Variants in SORCS2 observed in about 807,000 individuals in gnomAD.
The protein encoded by SORCS2 is sortilin related VPS10 domain containing receptor 2.
In SORCS2, 100 loss-of-function variants were observed where a neutral mutation model predicts 141.6. The ratio of observed to expected loss-of-function variants is 0.71; its 90% CI spans 0.60 to 0.83. The LOEUF (loss-of-function observed/expected upper bound fraction) is 0.83, where lower values mean the gene tolerates loss of function less well. Among genes scored for constraint, SORCS2 ranks in the 40% least tolerant of loss-of-function variants. The pLI, the probability that SORCS2 is intolerant of heterozygous loss-of-function variation, is 0.00. For missense variants in SORCS2, 1,646 were observed against 1,560.2 expected (o/e 1.05, Z -0.93); for synonymous variants, 789 against 676.9 (o/e 1.17, Z -2.57).
At chr4:7,341,304 C>T (rs1425467347) in intron 1 of SORCS2, among the ~76,000 whole-genome samples, 1 of 152,102 alleles carries the variant, frequency 6.6e-6, no homozygotes, top group African/African-American at 2.4e-5. Flanking sequence ...TCTTGGGTGC[C>T]CTTCTGCCTT....
At chr4:7,676,358 T>C (rs1723112536) in intron 9 of SORCS2, 129 bp downstream of exon 9, 2 of 971,250 alleles carry the variant, frequency 2.1e-6, no homozygotes, top group Non-Finnish European at 3.0e-6. Context: ...GCACACATCT[T>C]CTGTACACAG....
chr4:7,338,260 G>C (rs766319017), intron 1 of SORCS2, among the ~76,000 whole-genome samples: 4 of 150,932 alleles, frequency 2.7e-5, no homozygotes, highest in Non-Finnish European at 4.4e-5. Flanking sequence ...TGGATGGATG[G>C]ATGCATGGAT....
At chr4:7,616,292 T>C (rs1464597716) in intron 3 of SORCS2, among the ~76,000 whole-genome samples, 1 of 152,074 alleles carries the variant, frequency 6.6e-6, no homozygotes, top group Non-Finnish European at 1.5e-5. Flanking sequence ...CACATATACA[T>C]ACACACACAT....
chr4:7,468,315 A>C (rs944705912), intron 2 of SORCS2, among the ~76,000 whole-genome samples: 2 of 152,194 alleles, frequency 1.3e-5, no homozygotes, highest in African/African-American at 4.8e-5. Flanking sequence ...TGAGTCCTGC[A>C]GCACCCGAAG....
At chr4:7,509,872 G>T (rs539307212) in intron 2 of SORCS2, among the ~76,000 whole-genome samples, 19 of 152,182 alleles carry the variant, frequency 1.2e-4, no homozygotes, top group Non-Finnish European at 2.6e-4. Flanking sequence ...TGGCCCCTTT[G>T]CCCCAGCTGT....
At chr4:7,697,295 C>T (rs1050389454) in intron 12 of SORCS2, 21 bp downstream of exon 12, 1 of 1,564,380 alleles carries the variant, frequency 6.4e-7, no homozygotes, top group South Asian at 1.2e-5. Context: ...TGGGAGGTGC[C>T]TGGTACCCCC....
At chr4:7,706,438 G>A (rs1286851426) in intron 14 of SORCS2, among the ~76,000 whole-genome samples, 8 of 130,210 alleles carry the variant, frequency 6.1e-5, no homozygotes, top group Admixed American at 2.3e-4. Context: ...CTCTGTCTGG[G>A]CAGGGATGAG....
intron 12 of SORCS2, among the ~76,000 whole-genome samples, chr4:7,701,243 A>G (rs1284838762): frequency 6.8e-6 from 1 of 147,294 alleles, no homozygotes; most frequent in Non-Finnish European, 1.5e-5. Context: ...GAGAGAAAAA[A>G]GGAGAGAGGA....
rs1181125361 is a variant in SORCS2, at chr4:7,648,794, A to C, written c.814-5340A>C. ...CCCGGGGAGCAATGGGAGTGGACTG[A>C]GTGCCGTGGTAGAGGAAGAGAGGCT... On this transcript the variant is annotated intron_variant, in intron 4 of 26. Transcript: ENST00000507866. The surrounding 1 kb of genome is among the most constrained non-coding windows in gnomAD (Gnocchi z 4.2). Among the ~76,000 whole-genome samples, 1 of 152,048 alleles carries C rather than the reference A, an allele frequency of 6.6e-6. No homozygotes were observed. Among genetic ancestry groups the C allele is most frequent in the Non-Finnish European group, 1.5e-5 (1 of 67,988 alleles).
intron 2 of SORCS2, among the ~76,000 whole-genome samples, chr4:7,496,826 C>T (rs1035789578): frequency 7.2e-5 from 11 of 152,108 alleles, no homozygotes; most frequent in Admixed American, 2.0e-4. Flanking sequence ...AAGTGGTGAG[C>T]GGCTGGGGAA....
At chr4:7,304,644 T>C (rs1020326427) in intron 1 of SORCS2, among the ~76,000 whole-genome samples, 1 of 152,324 alleles carries the variant, frequency 6.6e-6, no homozygotes, top group South Asian at 2.1e-4. Flanking sequence ...GAGCTGCACC[T>C]TGAGCTGAGT....
intron 3 of SORCS2, among the ~76,000 whole-genome samples, chr4:7,547,974 C>T (rs1289870079): frequency 6.6e-6 from 1 of 152,248 alleles, no homozygotes; most frequent in African/African-American, 2.4e-5. Context: ...TGCAGGCCAA[C>T]ATCTGTGGAT....
intron 3 of SORCS2, among the ~76,000 whole-genome samples, chr4:7,612,614 G>A (rs35797846): frequency 0.18 from 27,245 of 152,142 alleles, 2,673 homozygotes; most frequent in Middle Eastern, 0.29. Flanking sequence ...GCAGTGACTC[G>A]GCTGGGTGTG....
chr4:7,376,095 T>A (rs1722634893), intron 1 of SORCS2, among the ~76,000 whole-genome samples: 1 of 152,196 alleles, frequency 6.6e-6, no homozygotes, highest in African/African-American at 2.4e-5. Flanking sequence ...TGGCACATGG[T>A]AGGAGTGCAG....
intron 1 of SORCS2, among the ~76,000 whole-genome samples, chr4:7,285,901 A>G (rs191046771): frequency 6.6e-6 from 1 of 152,280 alleles, no homozygotes; most frequent in East Asian, 1.9e-4. Flanking sequence ...TGCAGCCCTG[A>G]TTTAGGAGCC....
At chr4:7,397,844 G>A (rs942053717) in intron 2 of SORCS2, among the ~76,000 whole-genome samples, 1 of 152,180 alleles carries the variant, frequency 6.6e-6, no homozygotes, top group Non-Finnish European at 1.5e-5. Context: ...GTGACAAAGC[G>A]GACGGAGATG....
intron 1 of SORCS2, among the ~76,000 whole-genome samples, chr4:7,335,721 T>C (rs1192964800): frequency 6.6e-6 from 1 of 152,254 alleles, no homozygotes; most frequent in Admixed American, 6.5e-5. Context: ...CATTTTACCT[T>C]CCAGGAGGTT....
At chr4:7,389,939 G>A (rs1415855049) in intron 1 of SORCS2, among the ~76,000 whole-genome samples, 2 of 152,180 alleles carry the variant, frequency 1.3e-5, no homozygotes, top group Non-Finnish European at 2.9e-5. Flanking sequence ...TCCTGGGGAT[G>A]CCTTGCCAGG....
chr4:7,403,974 TATATATATATATATATATATA>T (rs1252352488), intron 2 of SORCS2, among the ~76,000 whole-genome samples: 2 of 5,022 alleles, frequency 4.0e-4, no homozygotes, highest in East Asian at 7.1e-3. Flanking sequence ...TATATATATA[TATATATATATATATATATATA>T]TATTTTTTTT....
Sources: gnomAD v4.1 joint callset for allele counts (sites outside exome capture counted in the v4.1 genomes callset) on GRCh38, gnomAD v4.1.1 for gene constraint, Gnocchi (gnomAD v3.1) non-coding constraint, MANE v1.5 for transcripts, NCBI Gene and HGNC (gene_info 2026-07-23, HGNC 2026-07-21) for gene names.